IQCN: variants seen among roughly 807,000 people sequenced by gnomAD.
The protein encoded by IQCN is IQ domain-containing protein N.
In IQCN, 46 loss-of-function variants were observed where a neutral mutation model predicts 64.4. The ratio of observed to expected loss-of-function variants is 0.71; its 90% CI spans 0.56 to 0.91. The LOEUF is 0.91. IQCN is among the 40% of genes least tolerant of loss of function. The pLI is 0.00. For synonymous variants in IQCN, 733 were observed against 775.6 expected (o/e 0.95, Z 0.91); for missense variants, 1,753 against 1,857.4 (o/e 0.94, Z 1.03).
intron 2 of IQCN, chr19:18,267,792 CTT>C (rs201236242): frequency 0.15 from 31,344 of 212,454 alleles, 2,635 homozygotes; most frequent in African/African-American, 0.37. Context: ...TTTTTCTTTT[CTT>C]TTTTTTTTTT....
rs1164632033 is a variant in IQCN at position 18,266,060 on chromosome 19, G to C, written c.1480C>G (p.Gln494Glu). The change falls in exon 3 of 4, where the codon CAG (glutamine) becomes GAG (glutamate). Residue 494 changes from glutamine (Q) to glutamate (E), a missense_variant. Gln to Glu is a conservative substitution (Grantham distance 29). Transcript: ENST00000392413. This position sits in a 1 kb window ranked among gnomAD's most constrained non-coding sequence, Gnocchi z 4.3. ...GTTATCATGGCTGGCAGGCGGGTCT[G>C]GGGTGAGGGCTTGGTCACCCCAACT... Reference protein sequence around the residue: ...SPVGVTKPSPQTRLPAMITKT... With the variant: ...SPVGVTKPSPETRLPAMITKT... The C allele has an allele frequency of 6.2e-7, 1 of 1,613,728 alleles. No individual in the cohort carries two copies. The highest frequency in any genetic ancestry group is 8.5e-7 in the Non-Finnish European group (1 of 1,179,902).
intron 1 of IQCN, among the ~76,000 whole-genome samples, chr19:18,272,333 G>A (rs1316611671): frequency 6.6e-6 from 1 of 150,928 alleles, no homozygotes; most frequent in Non-Finnish European, 1.5e-5. Flanking sequence ...TCATCATATT[G>A]GTCAGGCTGG....
In IQCN at chr19:18,266,351, T is replaced by TGGGGCATGTGTGA; in HGVS notation, c.1176_1188dup (p.Met397SerfsTer157). 1 of 1,612,600 alleles carries TGGGGCATGTGTGA rather than the reference T, an allele frequency of 6.2e-7. No individual in the cohort carries two copies. The highest frequency in any genetic ancestry group is 8.5e-7 in the Non-Finnish European group (1 of 1,179,404). ...ACCTGGATCTTGGTCATTGTGGGCATGGGGCATGTGTGAGGTGCAGTTTTG... is the reference window on the plus strand; with the variant it reads ...ACCTGGATCTTGGTCATTGTGGGCATGGGGCATGTGTGAGGGGCATGTGTGAGGTGCAGTTTTG... On this transcript the variant is annotated frameshift_variant, in exon 3 of 4. Coordinates refer to ENST00000392413, the MANE Select transcript of IQCN (RefSeq NM_001145304.2). LOFTEE classifies it high-confidence loss of function. This position sits in a 1 kb window ranked among gnomAD's most constrained non-coding sequence, Gnocchi z 4.3.
In IQCN at chr19:18,267,219, G is replaced by A. The variant is rs764328071; in HGVS notation, c.321C>T (p.Ala107=). ...CCCTCCAGTTGGCTTGGATGAGCGT[G>A]GCTGCACGGGCGTGCATCATGTCCA... ...DEMDMMHARA[A]TLIQANWRGY... Residue 107 remains alanine (A), a synonymous_variant, in exon 3 of 4, where the codon GCC becomes GCT. Coordinates refer to ENST00000392413, the MANE Select transcript of IQCN (RefSeq NM_001145304.2). The A allele has an allele frequency of 3.7e-6, 6 of 1,614,140 alleles. No homozygotes were observed. In the African/African-American group the frequency reaches 5.3e-5, roughly 14 times the overall value.
chr19:18,273,581 C>T (rs115319400), intron 1 of IQCN, among the ~76,000 whole-genome samples: 1,621 of 152,238 alleles, frequency 0.011, 35 homozygotes, highest in African/African-American at 0.037. Flanking sequence ...ATCTGCCCGC[C>T]TTGGCTTCCC....
Position 18,264,720 on chromosome 19 carries a change from C to T in IQCN, c.2820G>A (p.Ala940=), listed in dbSNP as rs981138725. The T allele has an allele frequency of 2.6e-6, 4 of 1,550,946 alleles. No homozygotes were observed. The highest frequency in any genetic ancestry group is 2.0e-5 in the Admixed American group (1 of 50,988). Residue 940 remains alanine, a synonymous_variant, in exon 3 of 4, where the codon GCG becomes GCA. Coordinates refer to ENST00000392413, the MANE Select transcript of IQCN (RefSeq NM_001145304.2). The surrounding 1 kb of genome is among the most constrained non-coding windows in gnomAD (Gnocchi z 4.3). ...TCAGGCGCAGCTCACTCCAGGACAG[C>T]GCCTTCACCAGCGCCATGCTCAGCA... ...QSMLSMALVK[A]LSWSELRLTL... is the part of the protein sequence containing the mutation.
rs760901769 is a variant in IQCN, at chr19:18,266,228, T to C, written c.1312A>G (p.Met438Val). Residue 438 changes from methionine to valine, a missense_variant, in exon 3 of 4, where the codon ATG (methionine) becomes GTG (valine). By Grantham distance (21) the Met-to-Val change is conservative. Transcript: ENST00000392413. This position sits in a 1 kb window ranked among gnomAD's most constrained non-coding sequence, Gnocchi z 4.3. ...RPQVSLLASI[M>V]KSLPQVCPGP... ...GGGCATACCTGGGGCAGGCTCTTCATGATGGAAGCCAGAAGGGAAACCTGA... is the reference window on the plus strand; with the variant it reads ...GGGCATACCTGGGGCAGGCTCTTCACGATGGAAGCCAGAAGGGAAACCTGA... The C allele has an allele frequency of 2.5e-6, 4 of 1,613,896 alleles. No individual in the cohort carries two copies. The South Asian group carries it at 4.4e-5, about 18-fold the overall frequency.
At chr19:18,273,023 T>C (rs1031855763) in intron 1 of IQCN, among the ~76,000 whole-genome samples, 1 of 152,110 alleles carries the variant, frequency 6.6e-6, no homozygotes, top group African/African-American at 2.4e-5. Flanking sequence ...GACACACATA[T>C]ATTTATTATT....
At chr19:18,272,902 G>A (rs1365796250) in intron 1 of IQCN, among the ~76,000 whole-genome samples, 6 of 151,832 alleles carry the variant, frequency 4.0e-5, no homozygotes, top group East Asian at 1.9e-4. Flanking sequence ...GAGCCACCGC[G>A]CCTGGCCGAG....
Position 18,266,262 on chromosome 19 carries a change from C to T in IQCN, c.1278G>A (p.Lys426=). The T allele has an allele frequency of 6.2e-7, 1 of 1,613,648 alleles. No homozygotes were observed. Among genetic ancestry groups the T allele is most frequent in the Non-Finnish European group, 8.5e-7 (1 of 1,179,780 alleles). ...CCAGAAGGGAAACCTGAGGTCGGTT[C>T]TTTGCCGTGATGGTCGCAGGGCATG... The part of the protein sequence containing the change: ...RQTCPATITA[K]NRPQVSLLAS... Residue 426 remains lysine (K), a synonymous_variant, in exon 3 of 4, where the codon AAG becomes AAA. Transcript: ENST00000392413. This position sits in a 1 kb window ranked among gnomAD's most constrained non-coding sequence, Gnocchi z 4.3.
intron 3 of IQCN, chr19:18,259,108 G>C (rs1361126631): frequency 6.5e-6 from 1 of 153,866 alleles, no homozygotes; most frequent in African/African-American, 2.4e-5. Context: ...TAGCATCTTG[G>C]CTCAATTGTA....
Position 18,257,475 on chromosome 19 carries a change from C to T in IQCN, c.3809G>A (p.Gly1270Asp). The change falls in exon 4 of 4, where the codon GGC becomes GAC. Residue 1270 changes from glycine to aspartate, a missense_variant. Coordinates refer to ENST00000392413, the MANE Select transcript of IQCN (RefSeq NM_001145304.2). ...GRTQPTRVVQ[G>D]MGQGTEGPGA... is the part of the protein sequence containing the mutation. ...GGGGCCCTCAGTGCCCTGGCCCATG[C>T]CCTGCACCACACGGGTGGGCTGTGT... 6.2e-7 allele frequency: 1 copy of T among 1,607,734 alleles called. No homozygotes were observed. Among genetic ancestry groups the T allele is most frequent in the Non-Finnish European group, 8.5e-7 (1 of 1,177,482 alleles).
At position 18,264,678 on chromosome 19, in the gene IQCN, C is replaced by A; in HGVS notation, c.2862G>T (p.Leu954=). Reference sequence around the variant, plus strand: ...GTTCCGCCCGCAGCTCGCCCCGGGACAGGGCTCGGGACAGGGTCAGGCGCA... The same window carrying A: ...GTTCCGCCCGCAGCTCGCCCCGGGAAAGGGCTCGGGACAGGGTCAGGCGCA... ...SELRLTLSRA[L]SRGELRAELT... Residue 954 remains leucine (L), a synonymous_variant, in exon 3 of 4, where the codon CTG becomes CTT. Coordinates refer to ENST00000392413, the MANE Select transcript of IQCN (RefSeq NM_001145304.2). The surrounding 1 kb of genome is among the most constrained non-coding windows in gnomAD (Gnocchi z 4.3). The A allele has an allele frequency of 6.4e-7, 1 of 1,551,324 alleles. No homozygotes were observed. The highest frequency in any genetic ancestry group is 2.4e-5 in the East Asian group (1 of 40,920).
In IQCN at chr19:18,265,253, C is replaced by T. The variant is rs955053435; in HGVS notation, c.2287G>A (p.Ala763Thr). The T allele has an allele frequency of 1.2e-6, 2 of 1,613,566 alleles. No homozygotes were observed. Among genetic ancestry groups the T allele is most frequent in the African/African-American group, 1.3e-5 (1 of 74,934 alleles). Residue 763 changes from alanine (A) to threonine (T), a missense_variant, in exon 3 of 4, where the codon GCT becomes ACT. Coordinates refer to ENST00000392413, the MANE Select transcript of IQCN (RefSeq NM_001145304.2). This position sits in a 1 kb window ranked among gnomAD's most constrained non-coding sequence, Gnocchi z 4.7. ...TTCLIPAHQAADLSSNTHSQV... is the reference protein window; with the variant it reads ...TTCLIPAHQATDLSSNTHSQV... ...GAGTGGGTGTTGCTGCTGAGATCAG[C>T]AGCCTGGTGCGCTGGGATGAGGCAC...
Position 18,257,815 on chromosome 19 carries a change from C to T in IQCN, c.3469G>A (p.Ala1157Thr), listed in dbSNP as rs1568274745. ...GTCGTGGTGGCTCTGCAGAGGTGTG[C>T]CAGGTTCCGCCGCACACGGTAGCCG... The part of the protein sequence containing the change: ...WRGYRVRRNL[A>T]HLCRATTTIQ... The change falls in exon 4 of 4, where the codon GCA becomes ACA. Residue 1157 changes from alanine (A) to threonine (T), a missense_variant. Transcript: ENST00000392413. 1.9e-6 allele frequency: 3 copies of T among 1,610,894 alleles called. No individual in the cohort carries two copies. The African/African-American group carries it at 4.0e-5, about 21-fold the overall frequency.
At chr19:18,262,630 T>C (rs1969455957) in intron 3 of IQCN, 1 of 152,258 alleles carries the variant, frequency 6.6e-6, no homozygotes, top group African/African-American at 2.4e-5. Context: ...GGTCTTGGTG[T>C]CACTCTATTA....
In IQCN at chr19:18,265,157, G is replaced by A. The variant is rs140812621; in HGVS notation, c.2383C>T (p.Pro795Ser). 1.9e-6 allele frequency: 3 copies of A among 1,607,842 alleles called. No homozygotes were observed. Among genetic ancestry groups the A allele is most frequent in the Admixed American group, 1.7e-5 (1 of 60,012 alleles). ...TGTCTGTCCTCTGGCTTGGCCCAGG[G>A]TGGGGCGCTGAGGCCACCGAGGCGC... ...CQRLGGLSAP[P>S]WAKPEDRQTQ... Residue 795 changes from proline to serine, a missense_variant, in exon 3 of 4, where the codon CCC (proline) becomes TCC (serine). Pro to Ser is a moderately conservative substitution (Grantham distance 74). Transcript: ENST00000392413. This position sits in a 1 kb window ranked among gnomAD's most constrained non-coding sequence, Gnocchi z 4.7.
Position 18,264,680 on chromosome 19 carries a change from G to C in IQCN, c.2860C>G (p.Leu954Val), listed in dbSNP as rs1226179418. ...SELRLTLSRA[L>V]SRGELRAELT... ...TCCGCCCGCAGCTCGCCCCGGGACA[G>C]GGCTCGGGACAGGGTCAGGCGCAGC... Residue 954 changes from leucine (L) to valine (V), a missense_variant, in exon 3 of 4, where the codon CTG becomes GTG. Physicochemically the swap from Leu to Val is conservative, Grantham distance 32 (BLOSUM62 1). Coordinates refer to ENST00000392413, the MANE Select transcript of IQCN (RefSeq NM_001145304.2). This position sits in a 1 kb window ranked among gnomAD's most constrained non-coding sequence, Gnocchi z 4.3. The C allele has an allele frequency of 1.0e-5, 16 of 1,551,158 alleles. 1 individual carries two copies. In the South Asian group the frequency reaches 1.3e-4, roughly 13 times the overall value.
rs1207223446 is a variant in IQCN, at chr19:18,264,447, C to T, written c.3093G>A (p.Pro1031=). The T allele has an allele frequency of 5.2e-6, 8 of 1,550,690 alleles. No homozygotes were observed. The East Asian group carries it at 7.3e-5, about 14-fold the overall frequency. The change falls in exon 3 of 4, where the codon CCG becomes CCA. Residue 1031 remains proline (P), a synonymous_variant. Coordinates refer to ENST00000392413, the MANE Select transcript of IQCN (RefSeq NM_001145304.2). The surrounding 1 kb of genome is among the most constrained non-coding windows in gnomAD (Gnocchi z 4.3). ...TCCTGCAGGCCACCTTCACCAGGGC[C>T]GGCGTCTTAGTCACCCCGCTTCCTG... ...KSTGSGVTKT[P]ALVKVACRRS... is the part of the protein sequence containing the mutation.
Sources: gnomAD v4.1 joint callset for allele counts (sites outside exome capture counted in the v4.1 genomes callset) on GRCh38, gnomAD v4.1.1 for gene constraint, Gnocchi (gnomAD v3.1) non-coding constraint, MANE v1.5 for transcripts, NCBI Gene and HGNC (gene_info 2026-07-23, HGNC 2026-07-21) for gene names.